The following TSHZ2 variants were observed in gnomAD, a reference collection of about 807,000 sequenced individuals.
TSHZ2 encodes teashirt homolog 2.
In TSHZ2, 21 loss-of-function variants were observed where a neutral mutation model predicts 74.4. That is an observed-to-expected ratio of 0.28 (90% CI 0.20 to 0.41). The LOEUF is 0.41. Among genes scored for constraint, TSHZ2 ranks in the 10% least tolerant of loss-of-function variants. The pLI is 1.00. For missense variants in TSHZ2, 1,244 were observed against 1,293.5 expected, an observed-to-expected ratio of 0.96 and a Z score of 0.59; for synonymous variants, 540 against 515.3, an observed-to-expected ratio of 1.05 and a Z score of -0.65.
intron 1 of TSHZ2, among the ~76,000 whole-genome samples, chr20:53,003,731 A>C (rs893051100): frequency 2.6e-5 from 4 of 152,162 alleles, no homozygotes; most frequent in African/African-American, 7.2e-5. Flanking sequence ...CTGTGCTGAT[A>C]GAAAATTAAC....
At chr20:53,110,624 A>C (rs1422273056) in intron 1 of TSHZ2, among the ~76,000 whole-genome samples, 1 of 152,222 alleles carries the variant, frequency 6.6e-6, no homozygotes, top group African/African-American at 2.4e-5. Flanking sequence ...CTGTTGGAGC[A>C]GTTGGGATAT....
At chr20:53,000,076 TCTCA>T (rs1474804917) in intron 1 of TSHZ2, among the ~76,000 whole-genome samples, 2 of 152,250 alleles carry the variant, frequency 1.3e-5, no homozygotes, top group Non-Finnish European at 2.9e-5. Flanking sequence ...TCTTTTTCTG[TCTCA>T]CTCACCATTA....
intron 1 of TSHZ2, among the ~76,000 whole-genome samples, chr20:53,214,723 AAAGAAG>A: frequency 6.6e-6 from 1 of 152,260 alleles, no homozygotes; most frequent in African/African-American, 2.4e-5. Context: ...CTCAAAATGA[AAAGAAG>A]AAGAAGACAA....
intron 1 of TSHZ2, among the ~76,000 whole-genome samples, chr20:52,986,794 A>G (rs1981783250): frequency 6.6e-6 from 1 of 152,234 alleles, no homozygotes; most frequent in Admixed American, 6.5e-5. Flanking sequence ...GGCAAATGAT[A>G]TGGGTTTTTC....
In TSHZ2 at chr20:52,973,060, C is replaced by T. The variant is rs1981184665; in HGVS notation, c.-234C>T. 2.0e-6 allele frequency: 1 copy of T among 495,640 alleles called. No individual in the cohort carries two copies. The highest frequency in any genetic ancestry group is 3.8e-5 in the Admixed American group (1 of 26,252). The allele number at this position is 495,640 out of a possible 1,614,324, so 30.7% of individuals were successfully genotyped here. On this transcript the variant is annotated 5_prime_UTR_variant, in exon 1 of 3. Coordinates refer to ENST00000371497, the MANE Select transcript of TSHZ2 (RefSeq NM_173485.6). The stretch of plus-strand genomic sequence containing the variant: ...AACAAACAAACAAGGCAGAACCAAC[C>T]TCTACTTCAAAGCAGCCGGCACAAG...
chr20:53,423,417 T>G (rs915151454), intron 2 of TSHZ2, among the ~76,000 whole-genome samples: 25 of 151,952 alleles, frequency 1.6e-4, no homozygotes, highest in African/African-American at 5.8e-4. Context: ...GGCTATGATA[T>G]TTGAACCTTG....
intron 2 of TSHZ2, among the ~76,000 whole-genome samples, chr20:53,260,725 T>C (rs1990584789): frequency 6.6e-6 from 1 of 152,228 alleles, no homozygotes; most frequent in African/African-American, 2.4e-5. Flanking sequence ...TAAATGTATG[T>C]AATTATTTTC....
chr20:53,390,105 G>A (rs1982197522), intron 2 of TSHZ2, among the ~76,000 whole-genome samples: 1 of 152,182 alleles, frequency 6.6e-6, no homozygotes, highest in East Asian at 1.9e-4. Context: ...TATTAACCTT[G>A]CAAATGTGCG....
intron 1 of TSHZ2, among the ~76,000 whole-genome samples, chr20:53,063,591 T>C (rs1475243780): frequency 6.6e-6 from 1 of 152,204 alleles, no homozygotes; most frequent in Non-Finnish European, 1.5e-5. Flanking sequence ...GTGGACATCA[T>C]TGTGTTATTT....
chr20:53,301,882 A>C (rs948905107), intron 2 of TSHZ2, among the ~76,000 whole-genome samples: 1 of 152,172 alleles, frequency 6.6e-6, no homozygotes, highest in Admixed American at 6.5e-5. Flanking sequence ...GCCAACATGA[A>C]TACATCTCGC....
chr20:53,298,244 C>T (rs1481472999), intron 2 of TSHZ2, among the ~76,000 whole-genome samples: 4 of 152,218 alleles, frequency 2.6e-5, no homozygotes, highest in African/African-American at 9.6e-5. Context: ...GATATGTTCT[C>T]CTGGCCCTTA....
chr20:53,359,387 C>G (rs905499408), intron 2 of TSHZ2, among the ~76,000 whole-genome samples: 1 of 152,154 alleles, frequency 6.6e-6, no homozygotes, highest in African/African-American at 2.4e-5. Flanking sequence ...TACATGCCTA[C>G]AATTCCTTAG....
chr20:53,113,573 G>A (rs1986591530), intron 1 of TSHZ2, among the ~76,000 whole-genome samples: 1 of 152,156 alleles, frequency 6.6e-6, no homozygotes. Context: ...GATAATAGGA[G>A]TAAATAGAAC....
chr20:53,316,662 G>A (rs1979037523), intron 2 of TSHZ2, among the ~76,000 whole-genome samples: 1 of 151,502 alleles, frequency 6.6e-6, no homozygotes, highest in South Asian at 2.1e-4. Context: ...GTAATTTTGG[G>A]TAAGTTCATC....
chr20:53,062,240 G>A (rs1277624767), intron 1 of TSHZ2, among the ~76,000 whole-genome samples: 1 of 152,096 alleles, frequency 6.6e-6, no homozygotes. Context: ...GCTATTATGA[G>A]GATAAAATAA....
At chr20:53,111,227 G>A (rs1365364433) in intron 1 of TSHZ2, among the ~76,000 whole-genome samples, 3 of 152,188 alleles carry the variant, frequency 2.0e-5, no homozygotes, top group Non-Finnish European at 2.9e-5. Flanking sequence ...GCTCTCAGAC[G>A]TGGCCAGGAG....
intron 1 of TSHZ2, among the ~76,000 whole-genome samples, chr20:53,000,841 T>C (rs1982381162): frequency 6.6e-6 from 1 of 152,196 alleles, no homozygotes; most frequent in Non-Finnish European, 1.5e-5. Flanking sequence ...TCTGATTCCA[T>C]GAAAAGTTTC....
chr20:53,092,218 T>G (rs1253664800), intron 1 of TSHZ2, among the ~76,000 whole-genome samples: 3 of 152,072 alleles, frequency 2.0e-5, no homozygotes, highest in Non-Finnish European at 1.5e-5. Flanking sequence ...TTTATAGCCC[T>G]ATACGAGAGA....
At chr20:53,314,768 C>T (rs1033181872) in intron 2 of TSHZ2, among the ~76,000 whole-genome samples, 1 of 151,854 alleles carries the variant, frequency 6.6e-6, no homozygotes, top group African/African-American at 2.4e-5. Context: ...ATTACAGGTG[C>T]CTGCCACCAC....
Sources: allele counts gnomAD v4.1 joint callset (sites outside exome capture counted in the v4.1 genomes callset), GRCh38; gene constraint gnomAD v4.1.1; transcripts MANE v1.5; gene names NCBI Gene and HGNC (gene_info 2026-07-23, HGNC 2026-07-21).